Variants in INSL6 observed in about 807,000 individuals in gnomAD.
The protein encoded by INSL6 is insulin like 6.
INSL6 carries 16 observed loss-of-function variants against 9.4 expected under a neutral mutation model. That is an observed-to-expected ratio of 1.70 (90% CI 1.15 to 2.59). The LOEUF (loss-of-function observed/expected upper bound fraction) is 2.59. Ranked by LOEUF, INSL6 falls within the 30% of genes most tolerant of loss-of-function variation. INSL6 has a pLI of 0.00. For synonymous variants in INSL6, 154 were observed against 96.9 expected, an observed-to-expected ratio of 1.59 and a Z score of -3.46; for missense variants, 391 against 257.3, an observed-to-expected ratio of 1.52 and a Z score of -3.56.
At chr9:5,061,013 A>C in the INSL6 span, among the ~76,000 whole-genome samples, 4 of 152,204 alleles carry the variant, frequency 2.6e-5, no homozygotes, top group East Asian at 7.7e-4. Context: ...GTGCGTTGTC[A>C]ATGAGAGTAA....
At chr9:5,042,049 A>C in the INSL6 span, 1 of 270,014 alleles carries the variant, frequency 3.7e-6, no homozygotes. Flanking sequence ...CAGGACACAG[A>C]CTGCAGGGTC....
the INSL6 span, among the ~76,000 whole-genome samples, chr9:5,038,789 A>G: frequency 6.6e-6 from 1 of 152,120 alleles, no homozygotes; most frequent in South Asian, 2.1e-4. Flanking sequence ...CAGTTTGTTT[A>G]TAAAAAGATG....
the INSL6 span, among the ~76,000 whole-genome samples, chr9:5,077,755 A>C: frequency 6.6e-6 from 1 of 152,226 alleles, no homozygotes; most frequent in Admixed American, 6.5e-5. Flanking sequence ...TGTATGTAAA[A>C]TCACTTTTGA....
At chr9:5,141,350 C>A (rs1237145808) in intron 2 of INSL6, among the ~76,000 whole-genome samples, 2 of 152,158 alleles carry the variant, frequency 1.3e-5, no homozygotes, top group African/African-American at 4.8e-5. Flanking sequence ...TTTTTCTCCA[C>A]AACCTCACCA....
rs375327208 is a variant in INSL6 at position 5,185,415 on chromosome 9, C to T, written c.188G>A (p.Arg63Gln). 5 of 1,614,156 alleles carry T rather than the reference C, an allele frequency of 3.1e-6. No individual in the cohort carries two copies. The highest frequency in any genetic ancestry group is 3.4e-6 in the Non-Finnish European group (4 of 1,180,032). ...CTTCTCCGAGGCCTGTGCAATCAAC[C>T]GTGAGAAAGGGGTTTCCTCCTCGAA... ...FRFEEETPFSRLIAQASEKVE... is the reference protein window; with the variant it reads ...FRFEEETPFSQLIAQASEKVE... The change falls in exon 1 of 2, where the codon CGG becomes CAG. Residue 63 changes from arginine (R) to glutamine (Q), a missense_variant. Transcript: ENST00000381641.
At chr9:5,076,765 A>G in the INSL6 span, among the ~76,000 whole-genome samples, 1 of 152,164 alleles carries the variant, frequency 6.6e-6, no homozygotes, top group African/African-American at 2.4e-5. Flanking sequence ...TTAAATACAC[A>G]TCTACACTTG....
chr9:5,080,703 T>C, the INSL6 span: 1 of 1,511,726 alleles, frequency 6.6e-7, no homozygotes, highest in Non-Finnish European at 8.8e-7. Flanking sequence ...TGAATGATCT[T>C]ATTGATTTTC....
the INSL6 span, chr9:5,050,932 A>G: frequency 8.6e-5 from 82 of 957,022 alleles, no homozygotes; most frequent in Non-Finnish European, 1.2e-4. Context: ...ATTTTGTAAT[A>G]CTAGTTAAGT....
At chr9:5,139,885 T>C (rs1398216008) in intron 2 of INSL6, among the ~76,000 whole-genome samples, 2 of 152,194 alleles carry the variant, frequency 1.3e-5, no homozygotes, top group Non-Finnish European at 2.9e-5. Context: ...TTTTGAAAGC[T>C]TGTAGTGAAC....
the INSL6 span, among the ~76,000 whole-genome samples, chr9:5,062,518 A>G: frequency 9.6e-6 from 1 of 103,900 alleles, no homozygotes; most frequent in Admixed American, 1.0e-4. Context: ...AAAAAAAAAA[A>G]AAAAAAAAAA....
chr9:5,137,483 G>A (rs572393104), intron 2 of INSL6, among the ~76,000 whole-genome samples: 2 of 150,764 alleles, frequency 1.3e-5, no homozygotes, highest in African/African-American at 2.4e-5. Context: ...ACAACCACCT[G>A]ATCTTTGACA....
chr9:5,118,427 C>A, the INSL6 span, among the ~76,000 whole-genome samples: 1 of 152,148 alleles, frequency 6.6e-6, no homozygotes, highest in African/African-American at 2.4e-5. Flanking sequence ...CTGTGACCAA[C>A]AAACTTGTAA....
chr9:5,126,213 G>T (rs1823983871), intron 3 of INSL6: 2 of 628,150 alleles, frequency 3.2e-6, no homozygotes, highest in African/African-American at 3.8e-5. Context: ...TTTTGAAAAG[G>T]TTTGAAAACA....
intron 1 of INSL6, among the ~76,000 whole-genome samples, chr9:5,169,890 G>T (rs1032094040): frequency 6.6e-6 from 1 of 152,160 alleles, no homozygotes; most frequent in Non-Finnish European, 1.5e-5. Context: ...CCTACGAAGA[G>T]ACTTAAGACT....
chr9:5,100,728 A>G, the INSL6 span: 1 of 152,232 alleles, frequency 6.6e-6, no homozygotes, highest in Admixed American at 6.5e-5. Flanking sequence ...AGCACTATCC[A>G]TCACGATTAC....
intron 2 of INSL6, among the ~76,000 whole-genome samples, chr9:5,157,748 G>A (rs78154480): frequency 0.017 from 2,534 of 152,220 alleles, 26 homozygotes; most frequent in Non-Finnish European, 0.027. Flanking sequence ...CCCAGACTGG[G>A]AAGACTACAA....
chr9:5,000,374 A>G, the INSL6 span, among the ~76,000 whole-genome samples: 319 of 152,358 alleles, frequency 2.1e-3, 4 homozygotes, highest in African/African-American at 7.1e-3. Context: ...GACCAGTAAG[A>G]AAATCATGAA....
downstream of INSL6, among the ~76,000 whole-genome samples, chr9:5,122,528 G>A (rs138559330): frequency 3.3e-5 from 5 of 152,142 alleles, no homozygotes; most frequent in African/African-American, 1.2e-4. Context: ...TGTCTACAGA[G>A]ACAAAAATAA....
At chr9:5,177,091 C>T (rs1681312664) in intron 1 of INSL6, among the ~76,000 whole-genome samples, 2 of 152,114 alleles carry the variant, frequency 1.3e-5, no homozygotes, top group African/African-American at 4.8e-5. Context: ...GAGTTGGGTG[C>T]ACAAGATGGC....
Sources: gnomAD v4.1 joint callset for allele counts (sites outside exome capture counted in the v4.1 genomes callset) on GRCh38, gnomAD v4.1.1 for gene constraint, MANE v1.5 for transcripts, NCBI Gene and HGNC (gene_info 2026-07-23, HGNC 2026-07-21) for gene names.